PCDHGA2: variants seen among roughly 807,000 people sequenced by gnomAD.
PCDHGA2 encodes protocadherin gamma-A2.
In PCDHGA2, 40 loss-of-function variants were observed where a neutral mutation model predicts 59.2. The observed-to-expected ratio is 0.68, with a 90% CI of 0.52 to 0.88. PCDHGA2 has a LOEUF of 0.88. PCDHGA2 is among the 40% of genes least tolerant of loss of function. The pLI is 0.00. For synonymous variants in PCDHGA2, 560 were observed against 526.0 expected, an observed-to-expected ratio of 1.06 and a Z score of -0.89; for missense variants, 1,226 against 1,204.0, an observed-to-expected ratio of 1.02 and a Z score of -0.27.
At position 141,341,095 on chromosome 5, in the gene PCDHGA2, C is replaced by T. The variant is rs1757020706; in HGVS notation, c.2124C>T (p.Val708=). The T allele has an allele frequency of 1.2e-6, 2 of 1,614,136 alleles. No individual in the cohort carries two copies. The highest frequency in any genetic ancestry group is 1.7e-5 in the Admixed American group (1 of 60,018). The change falls in exon 1 of 4, where the codon GTC becomes GTT. Residue 708 remains valine (V), a synonymous_variant. Coordinates refer to ENST00000394576, the MANE Select transcript of PCDHGA2 (RefSeq NM_018915.4). ...TCTCCTGCGTCTTCCTGGCCTTCGTCATCGTGTTGCTGGCGCACAGGCTGC... is the reference window on the plus strand; with the variant it reads ...TCTCCTGCGTCTTCCTGGCCTTCGTTATCGTGTTGCTGGCGCACAGGCTGC... ...AAVSCVFLAF[V]IVLLAHRLRR...
At chr5:141,371,970 CG>C (rs748554819) in intron 1 of PCDHGA2, 402 of 1,613,132 alleles carry the variant, frequency 2.5e-4, no homozygotes, top group Non-Finnish European at 5.5e-5. Context: ...CGAGCAGCTG[CG>C]TGCCTTCGAG....
In PCDHGA2 at chr5:141,409,837, C is replaced by G. The variant is rs182654621; in HGVS notation, c.2424+68442C>G. 823 of 1,611,470 alleles carry G rather than the reference C, an allele frequency of 5.1e-4. 5 individuals carry two copies. The East Asian group carries it at 9.5e-3, about 19-fold the overall frequency. On this transcript the variant is annotated intron_variant, in intron 1 of 3. Coordinates refer to ENST00000394576, the MANE Select transcript of PCDHGA2 (RefSeq NM_018915.4). ...ACGGCTCGCCCACGCTCAGCGCCAACGTGAGCCTGCGCGTGTTGGTGGGAG... is the reference window on the plus strand; with the variant it reads ...ACGGCTCGCCCACGCTCAGCGCCAAGGTGAGCCTGCGCGTGTTGGTGGGAG...
At position 141,485,257 on chromosome 5, in the gene PCDHGA2, T is replaced by G. The variant is rs1251686604; in HGVS notation, c.2425-9550T>G. 1.9e-6 allele frequency: 3 copies of G among 1,614,036 alleles called. No homozygotes were observed. The highest frequency in any genetic ancestry group is 2.5e-6 in the Non-Finnish European group (3 of 1,180,006). ...TCTTTTACCACCTGGGTTACGTTTG[T>G]GGGCAGATCCGCTACCCGGTCCCAG... On this transcript the variant is annotated intron_variant, in intron 1 of 3. Coordinates refer to ENST00000394576, the MANE Select transcript of PCDHGA2 (RefSeq NM_018915.4). The surrounding 1 kb of genome is among the most constrained non-coding windows in gnomAD (Gnocchi z 5.7).
In PCDHGA2 at chr5:141,339,019, GTGCTTCCTTT is replaced by G. The variant is rs1756800368; in HGVS notation, c.51_60del (p.Cys17TrpfsTer26). On this transcript the variant is annotated frameshift_variant, in exon 1 of 4. Coordinates refer to ENST00000394576, the MANE Select transcript of PCDHGA2 (RefSeq NM_018915.4). LOFTEE classifies it high-confidence loss of function. ...CACACTGCAGAAAGCTGGTCCTGCT[GTGCTTCCTTT>G]TGGCGACCCTGTGGGAGGCCAGGGC... 6.3e-7 allele frequency: 1 copy of G among 1,590,480 alleles called. No individual in the cohort carries two copies. The highest frequency in any genetic ancestry group is 2.3e-5 in the East Asian group (1 of 44,394).
intron 1 of PCDHGA2, chr5:141,402,874 C>T: frequency 2.7e-6 from 4 of 1,460,728 alleles, no homozygotes; most frequent in South Asian, 1.5e-5. Flanking sequence ...GATCACCATA[C>T]TTTGCAGGGT....
intron 1 of PCDHGA2, chr5:141,371,948 A>C (rs200505160): frequency 1.9e-6 from 3 of 1,613,136 alleles, no homozygotes; most frequent in Admixed American, 1.7e-5. Context: ...TCGCGCAGCG[A>C]GCCTTCGACC....
chr5:141,413,910 C>T, intron 1 of PCDHGA2: 1 of 1,613,376 alleles, frequency 6.2e-7, no homozygotes, highest in Non-Finnish European at 8.5e-7. Flanking sequence ...ACGCGCCGGT[C>T]TTCACCTTGC....
At chr5:141,423,049 C>T (rs1418805817) in intron 1 of PCDHGA2, 3 of 1,614,094 alleles carry the variant, frequency 1.9e-6, no homozygotes, top group East Asian at 2.2e-5. Flanking sequence ...GCTGTCCTAT[C>T]GCCTGCTTAA....
Position 141,364,525 on chromosome 5 carries a change from C to A in PCDHGA2, c.2424+23130C>A, listed in dbSNP as rs763615712. 3 of 1,614,062 alleles carry A rather than the reference C, an allele frequency of 1.9e-6. No individual in the cohort carries two copies. In the East Asian group the frequency reaches 6.7e-5, roughly 36 times the overall value. ...AGGAGCTGGCGGAGCGCGGAGTCCG[C>A]ATCGTCTCCAGAGGTAGGACGCAGC... is the stretch of plus-strand genomic sequence containing the variant. On this transcript the variant is annotated intron_variant, in intron 1 of 3. Transcript: ENST00000394576.
At chr5:141,404,776 A>C in intron 1 of PCDHGA2, 1 of 1,613,070 alleles carries the variant, frequency 6.2e-7, no homozygotes, top group Non-Finnish European at 8.5e-7. Context: ...CCTACCGCCT[A>C]TTCAAGGCCA....
At chr5:141,467,344 C>A (rs2099142230) in intron 1 of PCDHGA2, among the ~76,000 whole-genome samples, 1 of 152,122 alleles carries the variant, frequency 6.6e-6, no homozygotes, top group South Asian at 2.1e-4. Flanking sequence ...TAAGCCACTG[C>A]CCCCGGCCAA....
At chr5:141,411,341 G>A (rs903980826) in intron 1 of PCDHGA2, 4 of 152,064 alleles carry the variant, frequency 2.6e-5, no homozygotes, top group Admixed American at 6.5e-5. Context: ...AGGCTGAATC[G>A]GAAAGTATCA....
In PCDHGA2 at chr5:141,386,024, TG is replaced by T. The variant is rs758923656; in HGVS notation, c.2424+44630del. The T allele has an allele frequency of 2.6e-5, 4 of 152,242 alleles. No homozygotes were observed. The East Asian group carries it at 5.8e-4, about 22-fold the overall frequency. 9.4% of individuals were successfully genotyped at this position (152,242 alleles called of 1,614,324 possible). On this transcript the variant is annotated intron_variant, in intron 1 of 3. Transcript: ENST00000394576. ...CATTTTAAGTGTTGTAATTGGCATTTGTGACATAGGCAATTACATGTTTTAA... is the reference window on the plus strand; with the variant it reads ...CATTTTAAGTGTTGTAATTGGCATTTTGACATAGGCAATTACATGTTTTAA...
chr5:141,371,736 A>T (rs777064173), intron 1 of PCDHGA2: 4 of 1,614,042 alleles, frequency 2.5e-6, no homozygotes, highest in Non-Finnish European at 3.4e-6. Context: ...TGTCAACGAC[A>T]ACGTTCCCGT....
intron 1 of PCDHGA2, chr5:141,360,312 GGACTTGCCAGCCCGGAAGC>G: frequency 6.2e-7 from 1 of 1,613,976 alleles, no homozygotes; most frequent in Non-Finnish European, 8.5e-7. Context: ...TCAGCGTCCG[GGACTTGCCAGCCCGGAAGC>G]TGCGGGTTAG....
Position 141,477,983 on chromosome 5 carries a change from C to T in PCDHGA2, c.2425-16824C>T. 1 of 1,614,126 alleles carries T rather than the reference C, an allele frequency of 6.2e-7. No individual in the cohort carries two copies. Among genetic ancestry groups the T allele is most frequent in the Non-Finnish European group, 8.5e-7 (1 of 1,180,024 alleles). ...TAACCAGAGCCTTTTTGCCATAGGGCTGCACACTGGTCAAATCAGTACTGC... is the reference window on the plus strand; with the variant it reads ...TAACCAGAGCCTTTTTGCCATAGGGTTGCACACTGGTCAAATCAGTACTGC... On this transcript the variant is annotated intron_variant, in intron 1 of 3. Coordinates refer to ENST00000394576, the MANE Select transcript of PCDHGA2 (RefSeq NM_018915.4). The surrounding 1 kb of genome is among the most constrained non-coding windows in gnomAD (Gnocchi z 4.9).
chr5:141,423,157 G>A (rs527921011), intron 1 of PCDHGA2: 1 of 1,610,820 alleles, frequency 6.2e-7, no homozygotes, highest in Non-Finnish European at 8.5e-7. Flanking sequence ...GCAGAGCCTC[G>A]TGGTGGCCGT....
chr5:141,493,141 C>T lies in PCDHGA2; in HGVS notation c.2425-1666C>T, dbSNP rs1327581425. On this transcript the variant is annotated intron_variant, in intron 1 of 3. Coordinates refer to ENST00000394576, the MANE Select transcript of PCDHGA2 (RefSeq NM_018915.4). This position sits in a 1 kb window ranked among gnomAD's most constrained non-coding sequence, Gnocchi z 4.3. ...CTCCTAGGACTGTATTTTGAAACAC[C>T]CCCAGGTGATTTTGATAGCTGATTG... Among the ~76,000 whole-genome samples the T allele has an allele frequency of 1.4e-5, 2 of 146,284 alleles. No homozygotes were observed. Among genetic ancestry groups the T allele is most frequent in the East Asian group, 2.0e-4 (1 of 5,022 alleles).
Position 141,366,331 on chromosome 5 carries a change from G to C in PCDHGA2, c.2424+24936G>C, listed in dbSNP as rs1425078679. 11 of 1,613,846 alleles carry C rather than the reference G, an allele frequency of 6.8e-6. No homozygotes were observed. In the East Asian group the frequency reaches 1.6e-4, roughly 23 times the overall value. On this transcript the variant is annotated intron_variant, in intron 1 of 3. Coordinates refer to ENST00000394576, the MANE Select transcript of PCDHGA2 (RefSeq NM_018915.4). The stretch of plus-strand genomic sequence containing the variant: ...CGGTCACCGTTGCCGTGGCCGACAG[G>C]ATCCCTGACATCCTGGCTGACCTAG...
Sources: gnomAD v4.1 joint callset for allele counts (sites outside exome capture counted in the v4.1 genomes callset) on GRCh38, gnomAD v4.1.1 for gene constraint, Gnocchi (gnomAD v3.1) non-coding constraint, MANE v1.5 for transcripts, NCBI Gene and HGNC (gene_info 2026-07-23, HGNC 2026-07-21) for gene names.